The following SLC35B4 variants were observed in gnomAD, a reference collection of about 807,000 sequenced individuals.
SLC35B4 encodes the protein solute carrier family 35 member B4.
Under a neutral mutation model 39.5 loss-of-function variants are expected in SLC35B4, and 28 were observed. That is an observed-to-expected ratio of 0.71 (90% confidence interval 0.53 to 0.97). SLC35B4 has a LOEUF of 0.97. Among genes scored for constraint, SLC35B4 ranks in the 50% least tolerant of loss-of-function variants. SLC35B4 has a pLI of 0.00. For missense variants in SLC35B4, 334 were observed against 414.3 expected (o/e 0.81, Z 1.68); for synonymous variants, 145 against 150.4 (o/e 0.96, Z 0.26).
At chr7:134,312,790 G>A (rs1803874794) in intron 1 of SLC35B4, among the ~76,000 whole-genome samples, 1 of 152,128 alleles carries the variant, frequency 6.6e-6, no homozygotes, top group Non-Finnish European at 1.5e-5. Context: ...ATTGCACTGC[G>A]TCAGGTAAGT....
intron 9 of SLC35B4, among the ~76,000 whole-genome samples, chr7:134,295,703 A>G (rs777450442): frequency 1.3e-5 from 2 of 152,098 alleles, no homozygotes; most frequent in African/African-American, 2.4e-5. Flanking sequence ...CTCCCACCTC[A>G]GCCTCCTAAG....
chr7:134,316,556 C>A, intron 1 of SLC35B4, 119 bp downstream of exon 1: 1 of 1,072,922 alleles, frequency 9.3e-7, no homozygotes, highest in South Asian at 1.5e-5. Flanking sequence ...GCCGTCCTGC[C>A]CCGGGCTCCG....
At chr7:134,310,058 C>T (rs1803798902) in intron 1 of SLC35B4, among the ~76,000 whole-genome samples, 2 of 152,100 alleles carry the variant, frequency 1.3e-5, no homozygotes, top group Non-Finnish European at 2.9e-5. Context: ...CAATAAAGTA[C>T]AAATATACAT....
Position 134,289,473 on chromosome 7 carries a change from C to G in SLC35B4, c.*5360G>C, listed in dbSNP as rs1434334360. 6.5e-6 allele frequency: 1 copy of G among 152,682 alleles called. No individual in the cohort carries two copies. The highest frequency in any genetic ancestry group is 1.5e-5 in the Non-Finnish European group (1 of 68,076). The allele number at this position is 152,682 out of a possible 1,614,324, so 9.5% of individuals were successfully genotyped here. ...TACCCACTAATGTCTTGTAGCTGTT[C>G]TACGTACTCTCAGCTTTCTACTCCC... On this transcript the variant is annotated 3_prime_UTR_variant, in exon 10 of 10. Transcript: ENST00000378509.
intron 1 of SLC35B4, among the ~76,000 whole-genome samples, chr7:134,315,958 C>G (rs1034715275): frequency 2.0e-5 from 3 of 151,870 alleles, no homozygotes; most frequent in African/African-American, 7.3e-5. Flanking sequence ...CCTCAAAGAG[C>G]CCTCTCAGGT....
upstream of SLC35B4, among the ~76,000 whole-genome samples, chr7:134,318,477 A>G (rs1804044712): frequency 2.7e-5 from 1 of 36,830 alleles, no homozygotes; most frequent in Non-Finnish European, 5.3e-5. Context: ...ACACACACAC[A>G]TATATATATA....
At chr7:134,304,757 G>C (rs757468450) in intron 4 of SLC35B4, 48 bp downstream of exon 4, 2 of 1,443,328 alleles carry the variant, frequency 1.4e-6, no homozygotes, top group East Asian at 4.5e-5. Context: ...ATGGACAGGG[G>C]CTCAGGGTAT....
At position 134,306,729 on chromosome 7, in the gene SLC35B4, C is replaced by T. The variant is rs934231394; in HGVS notation, c.237G>A (p.Val79=). 3 of 1,613,892 alleles carry T rather than the reference C, an allele frequency of 1.9e-6. No individual in the cohort carries two copies. The African/African-American group carries it at 4.0e-5, about 22-fold the overall frequency. ...TGTTGAGATTCAGGGCATAGTTGTT[C>T]ACCACGCTCACGGTGAAGAACATGG... The part of the protein sequence containing the change: ...MVTMFFTVSV[V]NNYALNLNIA... Residue 79 remains valine, a synonymous_variant, in exon 3 of 10, where the codon GTG becomes GTA. Transcript: ENST00000378509.
intron 2 of SLC35B4, among the ~76,000 whole-genome samples, chr7:134,307,145 C>T (rs975497736): frequency 1.3e-5 from 2 of 152,088 alleles, no homozygotes; most frequent in Non-Finnish European, 2.9e-5. Flanking sequence ...TGTTAATTTT[C>T]GCTGTTTCTA....
intron 8 of SLC35B4, 103 bp downstream of exon 8, chr7:134,299,420 A>C (rs1333809635): frequency 1.2e-6 from 1 of 858,720 alleles, no homozygotes; most frequent in African/African-American, 1.7e-5. Flanking sequence ...GGAACACATG[A>C]TTTGAATAGG....
chr7:134,307,017 G>C (rs997303179), intron 2 of SLC35B4, among the ~76,000 whole-genome samples: 3 of 152,076 alleles, frequency 2.0e-5, no homozygotes, highest in African/African-American at 7.2e-5. Context: ...AAATTTTCAA[G>C]TATACATAGC....
chr7:134,304,875 A>G (rs1803670595), intron 3 of SLC35B4, 21 bp from the exon 4 acceptor site: 1 of 1,606,270 alleles, frequency 6.2e-7, no homozygotes, highest in African/African-American at 1.3e-5. Context: ...AGACAACAGT[A>G]ACAGAGAGGT....
At chr7:134,306,798 A>C in intron 2 of SLC35B4, 24 bp from the exon 3 acceptor site, 1,669 of 1,537,430 alleles carry the variant, frequency 1.1e-3, no homozygotes, top group Non-Finnish European at 1.4e-3. Context: ...AGAACAGCTC[A>C]TCAAACAGAA....
chr7:134,309,774 AGGAAATT>A (rs1803792799), intron 1 of SLC35B4, among the ~76,000 whole-genome samples: 1 of 152,238 alleles, frequency 6.6e-6, no homozygotes, highest in Non-Finnish European at 1.5e-5. Context: ...AGTAAACTGC[AGGAAATT>A]GGTCATATGT....
Position 134,289,799 on chromosome 7 carries a change from A to G in SLC35B4, c.*5034T>C, listed in dbSNP as rs1259174811. 1 of 152,206 alleles carries G rather than the reference A, an allele frequency of 6.6e-6. No individual in the cohort carries two copies. Among genetic ancestry groups the G allele is most frequent in the Admixed American group, 6.5e-5 (1 of 15,280 alleles). 9.4% of individuals were successfully genotyped at this position (152,206 alleles called of 1,614,324 possible). Reference sequence around the variant, plus strand: ...CATTTCAAAAGATATCAGTAAGTCAATGTGCCAAAGAAATTATTACAACTT... The same window carrying G: ...CATTTCAAAAGATATCAGTAAGTCAGTGTGCCAAAGAAATTATTACAACTT... On this transcript the variant is annotated 3_prime_UTR_variant, in exon 10 of 10. Coordinates refer to ENST00000378509, the MANE Select transcript of SLC35B4 (RefSeq NM_032826.5).
upstream of SLC35B4, among the ~76,000 whole-genome samples, chr7:134,317,709 C>A (rs573147962): frequency 2.6e-5 from 4 of 152,366 alleles, no homozygotes; most frequent in South Asian, 8.3e-4. Context: ...GTGGAATTCT[C>A]ATAGCACTTA....
Position 134,309,290 on chromosome 7 carries a change from C to T in SLC35B4, c.191+76G>A, listed in dbSNP as rs554610237. 52 of 678,452 alleles carry T rather than the reference C, an allele frequency of 7.7e-5. 1 individual carries two copies. The South Asian group carries it at 1.2e-3, about 15-fold the overall frequency. The allele number at this position is 678,452 out of a possible 1,614,324, so 42.0% of individuals were successfully genotyped here. The stretch of plus-strand genomic sequence containing the variant: ...TAAATCTTATAAAAGAATGTCTCAT[C>T]CTCCTTTTATACAGGTACCACCTCT... On this transcript the variant is annotated intron_variant, in intron 2 of 9. Transcript: ENST00000378509.
At chr7:134,318,001 A>C (rs558965193), upstream of SLC35B4, among the ~76,000 whole-genome samples, 2 of 152,358 alleles carry the variant, frequency 1.3e-5, no homozygotes, top group African/African-American at 4.8e-5. Flanking sequence ...ACACGGTACA[A>C]AGCTAGGTAG....
At chr7:134,311,453 C>T (rs1323511243) in intron 1 of SLC35B4, among the ~76,000 whole-genome samples, 1 of 152,082 alleles carries the variant, frequency 6.6e-6, no homozygotes, top group Non-Finnish European at 1.5e-5. Flanking sequence ...GTCAGGAGTT[C>T]GAGACCAGCT....
Sources: gnomAD v4.1 joint callset for allele counts (sites outside exome capture counted in the v4.1 genomes callset) on GRCh38, gnomAD v4.1.1 for gene constraint, MANE v1.5 for transcripts, NCBI Gene and HGNC (gene_info 2026-07-23, HGNC 2026-07-21) for gene names.